Variants in N4BP2L2 observed in about 807,000 individuals in gnomAD.
N4BP2L2 encodes NEDD4-binding protein 2-like 2.
Under a neutral mutation model 56.2 loss-of-function variants are expected in N4BP2L2, and 50 were observed. That is an observed-to-expected ratio of 0.89 (90% CI 0.71 to 1.13). The LOEUF (loss-of-function observed/expected upper bound fraction) is 1.13. Ranked by LOEUF, N4BP2L2 falls within the 50% of genes most tolerant of loss-of-function variation. The pLI is 0.00. For missense variants in N4BP2L2, 689 were observed against 693.8 expected, an observed-to-expected ratio of 0.99 and a Z score of 0.08; for synonymous variants, 203 against 223.6, an observed-to-expected ratio of 0.91 and a Z score of 0.82.
At chr13:32,470,674 C>T (rs1480208236) in intron 6 of N4BP2L2, among the ~76,000 whole-genome samples, 2 of 152,182 alleles carry the variant, frequency 1.3e-5, no homozygotes, top group Non-Finnish European at 2.9e-5. Context: ...TACCCAATAG[C>T]GGGATGGGTG....
chr13:32,478,336 C>A, intron 6 of N4BP2L2: 1 of 256,286 alleles, frequency 3.9e-6, no homozygotes, highest in Non-Finnish European at 7.8e-6. Flanking sequence ...CCACAAAAAA[C>A]TATATAACGC....
rs202063370 is a variant in N4BP2L2, at chr13:32,536,670, T to C, written c.358A>G (p.Ser120Gly). ...TAAATGGGTCCTATAAATGCTTTAC[T>C]TGTGCTATATATCTCATCGTCTGCG... Residue 120 changes from serine (S) to glycine (G), a missense_variant, in exon 2 of 6, where the codon AGT (serine) becomes GGT (glycine). By Grantham distance (56) the Ser-to-Gly change is moderately conservative. Coordinates refer to ENST00000267068, the Ensembl canonical transcript of N4BP2L2. 5 of 1,614,152 alleles carry C rather than the reference T, an allele frequency of 3.1e-6. No individual in the cohort carries two copies. The African/African-American group carries it at 5.3e-5, about 17-fold the overall frequency.
chr13:32,499,450 A>G (rs190208493), intron 6 of N4BP2L2, among the ~76,000 whole-genome samples: 80 of 151,442 alleles, frequency 5.3e-4, no homozygotes, highest in Non-Finnish European at 1.9e-4. Flanking sequence ...AACTTAAGGG[A>G]AAAAAAAAGC....
chr13:32,494,150 G>C (rs1302090688), intron 6 of N4BP2L2, among the ~76,000 whole-genome samples: 1 of 152,058 alleles, frequency 6.6e-6, no homozygotes, highest in Non-Finnish European at 1.5e-5. Flanking sequence ...GGGAGTGGTG[G>C]TGTACGCCTG....
In N4BP2L2 at chr13:32,434,152, C is replaced by G. The variant is rs1464682539; in HGVS notation, c.*22-1180G>C. ...AGTGCAGTGGTGCGATCTCAGCTCA[C>G]TGCAACCTCCGCCTCCCGGGTTCAA... On this transcript the variant is annotated intron_variant, in intron 9 of 9. Transcript: ENST00000357505. 2.0e-5 allele frequency among the ~76,000 whole-genome samples: 3 copies of G among 151,038 alleles called. No homozygotes were observed. In the South Asian group the frequency reaches 6.3e-4, roughly 31 times the overall value.
In N4BP2L2 at chr13:32,465,873, C is replaced by T. The variant is rs1042684715; in HGVS notation, c.366-21747G>A. Among the ~76,000 whole-genome samples the T allele has an allele frequency of 3.9e-5, 6 of 152,220 alleles. No individual in the cohort carries two copies. The East Asian group carries it at 9.7e-4, about 25-fold the overall frequency. On this transcript the variant is annotated intron_variant, in intron 6 of 9. Coordinates refer to the N4BP2L2 transcript ENST00000357505. The stretch of plus-strand genomic sequence containing the variant: ...TTCACCATGTTGGTCAGGCTGGTCT[C>T]GAACTCCTGACCTCATGATCCACCC...
intron 6 of N4BP2L2, among the ~76,000 whole-genome samples, chr13:32,452,218 C>T (rs1277424362): frequency 2.0e-5 from 3 of 152,188 alleles, no homozygotes; most frequent in South Asian, 2.1e-4. Context: ...TGTGCCACCA[C>T]ACCTGGCTAA....
At position 32,522,155 on chromosome 13, in the gene N4BP2L2, AAAAACTTTCTCATG is replaced by A. The variant is rs776766250; in HGVS notation, c.1473+13_1473+26del. 1 of 1,416,980 alleles carries A rather than the reference AAAAACTTTCTCATG, an allele frequency of 7.1e-7. No homozygotes were observed. The highest frequency in any genetic ancestry group is 2.4e-5 in the East Asian group (1 of 42,270). 87.8% of individuals were successfully genotyped at this position (1,416,980 alleles called of 1,614,324 possible). A position where few individuals can be genotyped will look rare whatever the true frequency, so the allele number is the denominator to read the frequency against. On this transcript the variant is annotated intron_variant, in intron 4 of 5. Coordinates refer to ENST00000267068, the Ensembl canonical transcript of N4BP2L2. ...GAAAAAATTGACAAGAATAAAAAATAAAAACTTTCTCATGTTTCATATTTACCACTTCCACATAT... is the reference window on the plus strand; with the variant it reads ...GAAAAAATTGACAAGAATAAAAAATATTTCATATTTACCACTTCCACATAT...
chr13:32,536,731 T>C (rs1422038660), exon 2 of N4BP2L2: 2 of 1,614,180 alleles, frequency 1.2e-6, no homozygotes, highest in Non-Finnish European at 1.7e-6. Context: ...GTAAAACCTG[T>C]GAATCAATGG....
rs145685061 is a variant in N4BP2L2, at chr13:32,519,674, C to A, written c.1551-1671G>T. Reference sequence around the variant, plus strand: ...GAAAAAAATAAAAATAAAAAAAGATCACTACTGCACTCCAGCCTGGGTGAC... The same window carrying A: ...GAAAAAAATAAAAATAAAAAAAGATAACTACTGCACTCCAGCCTGGGTGAC... On this transcript the variant is annotated intron_variant, in intron 5 of 5. Transcript: ENST00000267068. Among the ~76,000 whole-genome samples the A allele has an allele frequency of 4.6e-3, 696 of 151,874 alleles. 7 individuals carry two copies. Among genetic ancestry groups the A allele is most frequent in the African/African-American group, 0.015 (639 of 41,438 alleles).
At chr13:32,520,075 A>G (rs138925746) in intron 5 of N4BP2L2, among the ~76,000 whole-genome samples, 2 of 152,294 alleles carry the variant, frequency 1.3e-5, no homozygotes, top group African/African-American at 4.8e-5. Flanking sequence ...CACACAGCAT[A>G]CAAATCAGAA....
exon 2 of N4BP2L2, chr13:32,536,254 G>A (rs190904262): frequency 6.2e-7 from 1 of 1,613,612 alleles, no homozygotes; most frequent in East Asian, 2.2e-5. Context: ...TAAATGAAGT[G>A]TCACAAAATG....
intron 6 of N4BP2L2, among the ~76,000 whole-genome samples, chr13:32,464,543 A>G (rs910168323): frequency 6.6e-6 from 1 of 152,250 alleles, no homozygotes; most frequent in East Asian, 1.9e-4. Context: ...CTCATTTTCT[A>G]TTTCACTCTT....
exon 1 of N4BP2L2, chr13:32,538,713 G>C: frequency 1.0e-6 from 1 of 985,490 alleles, no homozygotes; most frequent in African/African-American, 1.7e-5. Flanking sequence ...AGCGGAGACA[G>C]CACTAAAGCC....
chr13:32,534,387 A>G (rs1197185775), intron 2 of N4BP2L2, among the ~76,000 whole-genome samples: 1 of 152,062 alleles, frequency 6.6e-6, no homozygotes, highest in Non-Finnish European at 1.5e-5. Context: ...TTTCTTCTAT[A>G]CCCACTCTTA....
At chr13:32,463,326 T>G (rs2080539647) in intron 6 of N4BP2L2, among the ~76,000 whole-genome samples, 1 of 151,956 alleles carries the variant, frequency 6.6e-6, no homozygotes, top group African/African-American at 2.4e-5. Context: ...TGGGACACCA[T>G]CAAGTACACC....
intron 7 of N4BP2L2, among the ~76,000 whole-genome samples, chr13:32,439,672 GA>G (rs2075974159): frequency 6.6e-6 from 1 of 151,904 alleles, no homozygotes; most frequent in Non-Finnish European, 1.5e-5. Flanking sequence ...CATTTACTTT[GA>G]AAAAAATTGG....
In N4BP2L2 at chr13:32,534,820, C is replaced by T. The variant is rs140006516; in HGVS notation, c.1259+949G>A. On this transcript the variant is annotated intron_variant, in intron 2 of 5. Transcript: ENST00000267068. Reference sequence around the variant, plus strand: ...AACAAATTTTCTTTTTCTCCTTGTCCGGCACAAATCTTGAATCATCTTATA... The same window carrying T: ...AACAAATTTTCTTTTTCTCCTTGTCTGGCACAAATCTTGAATCATCTTATA... Among the ~76,000 whole-genome samples the T allele has an allele frequency of 3.5e-4, 54 of 152,242 alleles. No homozygotes were observed. The East Asian group carries it at 4.0e-3, about 11-fold the overall frequency.
chr13:32,533,779 C>T (rs137919109), intron 2 of N4BP2L2, among the ~76,000 whole-genome samples: 193 of 152,240 alleles, frequency 1.3e-3, no homozygotes, highest in Middle Eastern at 3.4e-3. Context: ...CAACTCTGAT[C>T]TACCAATTTT....
Sources: gnomAD v4.1 joint callset for allele counts (sites outside exome capture counted in the v4.1 genomes callset) on GRCh38, gnomAD v4.1.1 for gene constraint, MANE v1.5 for transcripts, NCBI Gene and HGNC (gene_info 2026-07-23, HGNC 2026-07-21) for gene names.